Variants in COL13A1 observed in about 807,000 individuals in gnomAD.
The protein encoded by COL13A1 is collagen type XIII alpha 1 chain.
A neutral mutation model predicts 130.9 loss-of-function variants in COL13A1; 89 were observed. The ratio of observed to expected loss-of-function variants is 0.68; its 90% confidence interval spans 0.57 to 0.81. The LOEUF (loss-of-function observed/expected upper bound fraction) is 0.81. COL13A1 is among the 30% of genes least tolerant of loss of function. The pLI is 0.00. For missense variants in COL13A1, 879 were observed against 934.6 expected (o/e 0.94, Z 0.78); for synonymous variants, 402 against 341.6 (o/e 1.18, Z -1.95).
Position 69,918,268 on chromosome 10 carries a change from T to A in COL13A1, c.967-17T>A, listed in dbSNP as rs2064179135. The A allele has an allele frequency of 6.2e-7, 1 of 1,611,450 alleles. No homozygotes were observed. Among genetic ancestry groups the A allele is most frequent in the South Asian group, 1.1e-5 (1 of 90,936 alleles). On this transcript the variant is annotated splice_polypyrimidine_tract_variant and intron_variant, in intron 18 of 40. Transcript: ENST00000645393. ...CTGCAGAATGTCTTCAGACCTTTTT[T>A]TTTCTCTCTCTGCCAGGGGGCGCCC...
intron 2 of COL13A1, among the ~76,000 whole-genome samples, chr10:69,843,997 C>A (rs139617067): frequency 2.2e-3 from 338 of 152,288 alleles, no homozygotes; most frequent in African/African-American, 7.9e-3. Context: ...AAGACATAGT[C>A]TTTATCGTCC....
chr10:69,862,769 A>G (rs1436538288), intron 2 of COL13A1, among the ~76,000 whole-genome samples: 1 of 152,146 alleles, frequency 6.6e-6, no homozygotes. Flanking sequence ...GCAGCCTTGA[A>G]CGCACCATAA....
chr10:69,905,049 G>A (rs1037111033), intron 16 of COL13A1, 90 bp downstream of exon 16: 1 of 1,408,290 alleles, frequency 7.1e-7, no homozygotes, highest in African/African-American at 1.4e-5. Flanking sequence ...ACTGAGGCAG[G>A]AGCAGAGAGG....
At chr10:69,864,648 T>C (rs1014747549) in intron 2 of COL13A1, among the ~76,000 whole-genome samples, 3 of 152,210 alleles carry the variant, frequency 2.0e-5, no homozygotes, top group Non-Finnish European at 2.9e-5. Flanking sequence ...TGAACGAACA[T>C]ACAAAAAGTG....
chr10:69,908,291 G>A (rs1031871160), intron 17 of COL13A1, among the ~76,000 whole-genome samples: 3 of 152,196 alleles, frequency 2.0e-5, no homozygotes, highest in African/African-American at 7.2e-5. Context: ...GAAATGGCAA[G>A]ACCTGAGAGA....
At chr10:69,891,640 G>T (rs1403075196) in intron 10 of COL13A1, among the ~76,000 whole-genome samples, 2 of 152,184 alleles carry the variant, frequency 1.3e-5, no homozygotes, top group Non-Finnish European at 2.9e-5. Context: ...GGAAGAAACT[G>T]CCATGCCACA....
chr10:69,918,173 T>G, intron 18 of COL13A1, 112 bp from the exon 19 acceptor site: 1 of 895,296 alleles, frequency 1.1e-6, no homozygotes, highest in African/African-American at 1.7e-5. Context: ...TTGGGAGGAG[T>G]GAGCGGTCCT....
At chr10:69,861,891 T>A (rs10823445) in intron 2 of COL13A1, among the ~76,000 whole-genome samples, 32,164 of 152,054 alleles carry the variant, frequency 0.21, 4,097 homozygotes, top group East Asian at 0.55. Context: ...GCTGGAAAGG[T>A]CTGGGGGTGT....
chr10:69,912,570 C>G (rs1202641933), intron 17 of COL13A1, among the ~76,000 whole-genome samples: 1 of 123,982 alleles, frequency 8.1e-6, no homozygotes, highest in Non-Finnish European at 1.9e-5. Context: ...CCCCTCCCCG[C>G]AAACTCCCCA....
chr10:69,848,402 C>A (rs1438333195), intron 2 of COL13A1, among the ~76,000 whole-genome samples: 1 of 152,192 alleles, frequency 6.6e-6, no homozygotes, highest in African/African-American at 2.4e-5. Flanking sequence ...CAAACTGGTA[C>A]TATTAGTTCC....
chr10:69,942,996 C>T (rs1224440298), intron 35 of COL13A1, among the ~76,000 whole-genome samples: 2 of 152,174 alleles, frequency 1.3e-5, no homozygotes, highest in African/African-American at 4.8e-5. Context: ...TACAGGCACC[C>T]ACCACCATGC....
In COL13A1 at chr10:69,911,266, G is replaced by C. The variant is rs566644285; in HGVS notation, c.921+5444G>C. ...GATCTGCCAGCCAGAGCAAGGGCCC[G>C]TGTGGTGGACACACTTCTGTAGAAT... On this transcript the variant is annotated intron_variant, in intron 17 of 40. Coordinates refer to ENST00000645393, the MANE Select transcript of COL13A1 (RefSeq NM_001368882.1). Among the ~76,000 whole-genome samples, 5 of 152,194 alleles carry C rather than the reference G, an allele frequency of 3.3e-5. No homozygotes were observed. The South Asian group carries it at 1.0e-3, about 32-fold the overall frequency.
chr10:69,817,993 C>A (rs953052937), intron 1 of COL13A1, among the ~76,000 whole-genome samples: 4 of 152,110 alleles, frequency 2.6e-5, no homozygotes, highest in Admixed American at 6.5e-5. Context: ...TCTAGCTGTG[C>A]CTGTGGTAGC....
intron 7 of COL13A1, among the ~76,000 whole-genome samples, chr10:69,882,546 C>T (rs1029020587): frequency 3.3e-5 from 5 of 152,202 alleles, no homozygotes; most frequent in Non-Finnish European, 7.3e-5. Flanking sequence ...TGAGGCAGGC[C>T]CCACCAGCCC....
chr10:69,825,122 C>T (rs893055274), intron 2 of COL13A1, among the ~76,000 whole-genome samples: 1 of 152,208 alleles, frequency 6.6e-6, no homozygotes, highest in African/African-American at 2.4e-5. Context: ...TGAGCACCTA[C>T]TATGTGCCAG....
Position 69,801,907 on chromosome 10 carries a change from T to C in COL13A1, c.-517T>C, listed in dbSNP as rs1304517969. 1 of 152,902 alleles carries C rather than the reference T, an allele frequency of 6.5e-6. No homozygotes were observed. The highest frequency in any genetic ancestry group is 1.5e-5 in the Non-Finnish European group (1 of 68,544). 9.5% of individuals were successfully genotyped at this position (152,902 alleles called of 1,614,324 possible). A position where few individuals can be genotyped will look rare whatever the true frequency, so the allele number is the denominator to read the frequency against. Reference sequence around the variant, plus strand: ...TTTGGGAAGTAGCACGGATTGCTCATCCGATCCGTGCCGCCGCAGGGAGTG... The same window carrying C: ...TTTGGGAAGTAGCACGGATTGCTCACCCGATCCGTGCCGCCGCAGGGAGTG... On this transcript the variant is annotated 5_prime_UTR_variant, in exon 1 of 41. Coordinates refer to ENST00000645393, the MANE Select transcript of COL13A1 (RefSeq NM_001368882.1).
chr10:69,804,234 G>A (rs1011618861), intron 1 of COL13A1, among the ~76,000 whole-genome samples: 9 of 151,958 alleles, frequency 5.9e-5, no homozygotes, highest in Admixed American at 2.0e-4. Context: ...CAGGTATCTC[G>A]GGGGTCCTGG....
chr10:69,940,908 C>T lies in COL13A1; in HGVS notation c.1879-80C>T, dbSNP rs546364775. On this transcript the variant is annotated intron_variant, in intron 34 of 40. Transcript: ENST00000645393. The stretch of plus-strand genomic sequence containing the variant: ...TCCAGAGTCACTGCTTTACTCACCT[C>T]TTCCCTCCCCATTGTTCCCTTTTTC... 1.2e-4 allele frequency: 199 copies of T among 1,593,934 alleles called. 1 individual carries two copies. The South Asian group carries it at 2.1e-3, about 17-fold the overall frequency.
intron 2 of COL13A1, among the ~76,000 whole-genome samples, chr10:69,858,450 A>T (rs913380928): frequency 3.3e-5 from 5 of 152,332 alleles, no homozygotes; most frequent in Middle Eastern, 3.4e-3. Context: ...AGTAAAGTAG[A>T]AATTTGAACC....
Sources: gnomAD v4.1 joint callset for allele counts (sites outside exome capture counted in the v4.1 genomes callset) on GRCh38, gnomAD v4.1.1 for gene constraint, MANE v1.5 for transcripts, NCBI Gene and HGNC (gene_info 2026-07-23, HGNC 2026-07-21) for gene names.